The following KIF20B variants were observed in gnomAD, a reference collection of about 807,000 sequenced individuals.
KIF20B encodes kinesin-like protein KIF20B.
In KIF20B, 188 loss-of-function variants were observed where a neutral mutation model predicts 232.5. The observed-to-expected ratio is 0.81, with a 90% CI of 0.72 to 0.91. KIF20B has a LOEUF of 0.91. Among genes scored for constraint, KIF20B ranks in the 40% least tolerant of loss-of-function variants. KIF20B has a pLI of 0.00. For missense variants in KIF20B, 2,154 were observed against 2,055.9 expected, an observed-to-expected ratio of 1.05 and a Z score of -0.92; for synonymous variants, 712 against 683.0, an observed-to-expected ratio of 1.04 and a Z score of -0.66.
rs1055295019 is a variant in KIF20B, at chr10:89,745,786, C to T, written c.4036-113C>T. 8.8e-6 allele frequency: 6 copies of T among 682,982 alleles called. No individual in the cohort carries two copies. In the African/African-American group the frequency reaches 8.9e-5, roughly 10 times the overall value. The allele number at this position is 682,982 out of a possible 1,614,324, so 42.3% of individuals were successfully genotyped here. A position where few individuals can be genotyped will look rare whatever the true frequency, so the allele number is the denominator to read the frequency against. Reference sequence around the variant, plus strand: ...AGACTGGTACCAGCTGGTATACCAGCTATATAGGAGACTGATTTCAAACTT... The same window carrying T: ...AGACTGGTACCAGCTGGTATACCAGTTATATAGGAGACTGATTTCAAACTT... On this transcript the variant is annotated intron_variant, in intron 22 of 32. Coordinates refer to ENST00000371728, the MANE Select transcript of KIF20B (RefSeq NM_001284259.2).
At chr10:89,736,525 A>G (rs918221087) in intron 19 of KIF20B, among the ~76,000 whole-genome samples, 1 of 152,146 alleles carries the variant, frequency 6.6e-6, no homozygotes, top group Admixed American at 6.5e-5. Flanking sequence ...TGTATACAAC[A>G]TTTATGTAGT....
At chr10:89,714,135 C>G (rs909834997) in intron 7 of KIF20B, 52 bp downstream of exon 7, 7 of 985,412 alleles carry the variant, frequency 7.1e-6, no homozygotes, top group Non-Finnish European at 8.7e-6. Context: ...ATGAAGTACA[C>G]TTGAAAAGCT....
At position 89,718,826 on chromosome 10, in the gene KIF20B, A is replaced by G. The variant is rs770205047; in HGVS notation, c.1388A>G (p.Tyr463Cys). 1.6e-5 allele frequency: 26 copies of G among 1,607,298 alleles called. No homozygotes were observed. The highest frequency in any genetic ancestry group is 4.5e-5 in the South Asian group (4 of 89,770). Reference sequence around the variant, plus strand: ...AATATCAGCCAATGTTATTTAGCCTATGATGAAACACTCAATGTATTGAAG... The same window carrying G: ...AATATCAGCCAATGTTATTTAGCCTGTGATGAAACACTCAATGTATTGAAG... ...IVNISQCYLA[Y>C]DETLNVLKFS... The change falls in exon 12 of 33, where the codon TAT becomes TGT. Residue 463 changes from tyrosine (Y) to cysteine (C), a missense_variant. Transcript: ENST00000371728.
intron 15 of KIF20B, 67 bp from the exon 16 acceptor site, chr10:89,726,226 G>T: frequency 7.2e-7 from 1 of 1,384,696 alleles, no homozygotes; most frequent in Non-Finnish European, 9.4e-7. Context: ...GTCTAAATTA[G>T]ATGGTACCAC....
intron 19 of KIF20B, 166 bp downstream of exon 19, chr10:89,733,222 G>C: frequency 1.6e-6 from 1 of 624,194 alleles, no homozygotes; most frequent in Non-Finnish European, 2.8e-6. Context: ...CTAGGGATGG[G>C]CATAGTTAAA....
intron 29 of KIF20B, among the ~76,000 whole-genome samples, chr10:89,765,046 T>A (rs2133172465): frequency 6.6e-6 from 1 of 151,956 alleles, no homozygotes; most frequent in Admixed American, 6.6e-5. Flanking sequence ...CGTTTAAGTC[T>A]TTAATCCATC....
rs1843149532 is a variant in KIF20B, at chr10:89,725,030, C to T, written c.1873C>T (p.Leu625Phe). The change falls in exon 15 of 33, where the codon CTT becomes TTT. Residue 625 changes from leucine to phenylalanine, a missense_variant. Physicochemically the swap from Leu to Phe is conservative, Grantham distance 22. Coordinates refer to ENST00000371728, the MANE Select transcript of KIF20B (RefSeq NM_001284259.2). ...ATTTGTATTTTGAAGGGAGACTCTG[C>T]TTCAAGAACGAGAGATATTAGAAGA... ...QREADFKETL[L>F]QEREILEENA... The T allele has an allele frequency of 6.2e-7, 1 of 1,613,116 alleles. No individual in the cohort carries two copies. Among genetic ancestry groups the T allele is most frequent in the Non-Finnish European group, 8.5e-7 (1 of 1,179,496 alleles).
chr10:89,728,150 G>A (rs1373521792), intron 17 of KIF20B, among the ~76,000 whole-genome samples: 1 of 151,814 alleles, frequency 6.6e-6, no homozygotes, highest in Non-Finnish European at 1.5e-5. Context: ...TCAAGATCTT[G>A]GTATCTAATA....
At chr10:89,708,496 C>A (rs1261454587) in intron 2 of KIF20B, among the ~76,000 whole-genome samples, 2 of 152,182 alleles carry the variant, frequency 1.3e-5, no homozygotes, top group Non-Finnish European at 2.9e-5. Flanking sequence ...CAGGCATGAG[C>A]CACCGCTCCT....
At chr10:89,723,475 A>T (rs1843111609) in intron 13 of KIF20B, 1 of 152,284 alleles carries the variant, frequency 6.6e-6, no homozygotes, top group African/African-American at 2.4e-5. Context: ...TTGACAGATT[A>T]GTAAGTGGGT....
chr10:89,709,487 T>C, intron 4 of KIF20B, 26 bp downstream of exon 4: 1 of 1,475,208 alleles, frequency 6.8e-7, no homozygotes, highest in South Asian at 1.1e-5. Context: ...TTTTGTTTTT[T>C]GTTTTAAAGA....
At chr10:89,764,309 G>T (rs1842308131) in intron 29 of KIF20B, among the ~76,000 whole-genome samples, 1 of 151,950 alleles carries the variant, frequency 6.6e-6, no homozygotes, top group Admixed American at 6.6e-5. Flanking sequence ...TTGGACATTT[G>T]GATTGGTTCC....
At chr10:89,753,762 A>C (rs1201173421) in intron 25 of KIF20B, among the ~76,000 whole-genome samples, 1 of 152,064 alleles carries the variant, frequency 6.6e-6, no homozygotes, top group Admixed American at 6.6e-5. Flanking sequence ...CTGGGACTAC[A>C]GGTACACGCC....
At chr10:89,751,505 AC>A in intron 24 of KIF20B, 34 bp downstream of exon 24, 1 of 1,565,770 alleles carries the variant, frequency 6.4e-7, no homozygotes, top group Non-Finnish European at 8.6e-7. Context: ...CTCTAAATAT[AC>A]TTTTTCATTT....
chr10:89,769,139 A>T (rs1334274956), intron 31 of KIF20B, among the ~76,000 whole-genome samples: 1 of 152,006 alleles, frequency 6.6e-6, no homozygotes, highest in Admixed American at 6.6e-5. Flanking sequence ...TAATAGGGGT[A>T]TAAGCAAAGG....
At chr10:89,738,666 T>C in intron 20 of KIF20B, 49 bp downstream of exon 20, 1 of 1,496,038 alleles carries the variant, frequency 6.7e-7, no homozygotes, top group African/African-American at 1.4e-5. Context: ...AAGCATTCAT[T>C]TTGCTATGCA....
chr10:89,765,703 A>G (rs1564676162), intron 29 of KIF20B, among the ~76,000 whole-genome samples: 3 of 152,184 alleles, frequency 2.0e-5, no homozygotes, highest in South Asian at 4.1e-4. Flanking sequence ...TCAATGGAAC[A>G]GAACACAGCC....
chr10:89,756,808 A>G (rs1325932691), intron 26 of KIF20B, among the ~76,000 whole-genome samples: 2 of 151,794 alleles, frequency 1.3e-5, no homozygotes, highest in Non-Finnish European at 2.9e-5. Context: ...TTCATTCACT[A>G]TTTTATGTTT....
At chr10:89,709,076 A>G in intron 2 of KIF20B, 91 bp from the exon 3 acceptor site, 1 of 814,868 alleles carries the variant, frequency 1.2e-6, no homozygotes, top group East Asian at 2.5e-5. Flanking sequence ...ATCTCAGATT[A>G]TTATGTAAAA....
Sources: gnomAD v4.1 joint callset for allele counts (sites outside exome capture counted in the v4.1 genomes callset) on GRCh38, gnomAD v4.1.1 for gene constraint, MANE v1.5 for transcripts, NCBI Gene and HGNC (gene_info 2026-07-23, HGNC 2026-07-21) for gene names.